Variants in PCNX2 observed in about 807,000 individuals in gnomAD.
PCNX2 encodes the protein pecanex 2, also known as pecanex-like protein 2.
Under a neutral mutation model 223.8 loss-of-function variants are expected in PCNX2, and 168 were observed. That is an observed-to-expected ratio of 0.75 (90% CI 0.66 to 0.85). The LOEUF is 0.85. Among genes scored for constraint, PCNX2 ranks in the 40% least tolerant of loss-of-function variants. The pLI is 0.00. For synonymous variants in PCNX2, 1,006 were observed against 1,052.6 expected (o/e 0.96, Z 0.86); for missense variants, 2,507 against 2,675.5 (o/e 0.94, Z 1.39).
intron 23 of PCNX2, among the ~76,000 whole-genome samples, chr1:233,081,600 C>T (rs1425221002): frequency 6.6e-6 from 1 of 152,198 alleles, no homozygotes; most frequent in Non-Finnish European, 1.5e-5. Context: ...TGATGACTTG[C>T]AAAGTGGCCA....
Position 233,025,181 on chromosome 1 carries a change from C to A in PCNX2, c.4570G>T (p.Asp1524Tyr). Reference sequence around the variant, plus strand: ...TAGCGGATGAGGATCCTTCGGAGGTCAAACACCTGCAGCATGGTGGCCGCG... The same window carrying A: ...TAGCGGATGAGGATCCTTCGGAGGTAAAACACCTGCAGCATGGTGGCCGCG... ...NNAATMLQVF[D>Y]LRRILIRYYI... The change falls in exon 26 of 34, where the codon GAC becomes TAC. Residue 1524 changes from aspartate to tyrosine, a missense_variant. Asp to Tyr is a radical substitution (Grantham distance 160). This residue lies in a region of PCNX2 where 1,372 missense variants were observed against 1,509.4 expected (regional missense o/e 0.91). Coordinates refer to ENST00000258229, the MANE Select transcript of PCNX2 (RefSeq NM_014801.4). 1 of 1,614,008 alleles carries A rather than the reference C, an allele frequency of 6.2e-7. No homozygotes were observed. The highest frequency in any genetic ancestry group is 1.1e-5 in the South Asian group (1 of 91,084).
intron 23 of PCNX2, among the ~76,000 whole-genome samples, chr1:233,087,319 C>T (rs1279406043): frequency 1.3e-5 from 2 of 152,066 alleles, no homozygotes; most frequent in East Asian, 3.9e-4. Context: ...CAACACACAC[C>T]CCCAGCCTGG....
At chr1:233,129,581 C>A (rs183478256) in intron 21 of PCNX2, among the ~76,000 whole-genome samples, 1 of 152,312 alleles carries the variant, frequency 6.6e-6, no homozygotes, top group East Asian at 1.9e-4. Context: ...CAGCTAGGCT[C>A]CTGAGTCTAG....
At chr1:233,025,784 C>A (rs2102834467) in intron 25 of PCNX2, among the ~76,000 whole-genome samples, 1 of 152,332 alleles carries the variant, frequency 6.6e-6, no homozygotes, top group African/African-American at 2.4e-5. Flanking sequence ...AGGCTTGTTT[C>A]CTCATCTGTA....
chr1:233,236,716 T>C, intron 9 of PCNX2, 129 bp downstream of exon 9: 1 of 1,365,298 alleles, frequency 7.3e-7, no homozygotes, highest in Admixed American at 2.1e-5. Context: ...CAGTGATATA[T>C]CAACAACCCG....
At chr1:233,059,760 C>A (rs1165084353) in intron 23 of PCNX2, among the ~76,000 whole-genome samples, 1 of 152,120 alleles carries the variant, frequency 6.6e-6, no homozygotes, top group Admixed American at 6.5e-5. Flanking sequence ...AGACTAGCTG[C>A]CAGTCAATGC....
upstream of PCNX2, among the ~76,000 whole-genome samples, chr1:233,295,982 C>CT (rs200068010): frequency 0.022 from 3,187 of 143,332 alleles, 57 homozygotes; most frequent in South Asian, 0.038. This position sits in a 1 kb window ranked among gnomAD's most constrained non-coding sequence, Gnocchi z 4.1. Context: ...CTTTCTCGCT[C>CT]TTTTTTTCTT....
intron 9 of PCNX2, among the ~76,000 whole-genome samples, chr1:233,234,351 C>T (rs1036080373): frequency 1.4e-4 from 22 of 152,064 alleles, no homozygotes; most frequent in Admixed American, 2.0e-4. Context: ...AAACATGAGC[C>T]TGGTTAGCAA....
At chr1:233,308,230 G>A in the PCNX2 span, among the ~76,000 whole-genome samples, 1 of 152,196 alleles carries the variant, frequency 6.6e-6, no homozygotes, top group Non-Finnish European at 1.5e-5. Context: ...GCCGAGACGG[G>A]CAGATCATTT....
intron 19 of PCNX2, among the ~76,000 whole-genome samples, chr1:233,141,715 A>ATGTG (rs1366472929): frequency 1.1e-4 from 9 of 79,978 alleles, no homozygotes; most frequent in Middle Eastern, 4.3e-3. Flanking sequence ...GTATATATAT[A>ATGTG]TCTGTGTGTG....
At chr1:233,034,252 G>A (rs1352166145) in intron 25 of PCNX2, among the ~76,000 whole-genome samples, 1 of 152,100 alleles carries the variant, frequency 6.6e-6, no homozygotes, top group African/African-American at 2.4e-5. Context: ...GGGCCTTTGG[G>A]AGGTGATTGG....
At chr1:233,158,848 C>G (rs755264322) in intron 19 of PCNX2, among the ~76,000 whole-genome samples, 4 of 152,160 alleles carry the variant, frequency 2.6e-5, no homozygotes, top group Admixed American at 6.5e-5. Context: ...AACCTGAAGG[C>G]TGCAGAAGTT....
Position 233,258,817 on chromosome 1 carries a change from A to C in PCNX2, c.1045T>G (p.Ser349Ala), listed in dbSNP as rs781768469. The C allele has an allele frequency of 6.2e-6, 10 of 1,613,784 alleles. No homozygotes were observed. The South Asian group carries it at 9.9e-5, about 16-fold the overall frequency. Reference sequence around the variant, plus strand: ...GTAACAGCTACCTCACTATCTGAGGAGTCCACTTCCTGGTGCAAGGGCAGG... The same window carrying C: ...GTAACAGCTACCTCACTATCTGAGGCGTCCACTTCCTGGTGCAAGGGCAGG... ...GDLPLHQEVD[S>A]SDSEVAVTLI... Residue 349 changes from serine to alanine, a missense_variant, in exon 5 of 34, where the codon TCC (serine) becomes GCC (alanine). Transcript: ENST00000258229.
intron 8 of PCNX2, among the ~76,000 whole-genome samples, chr1:233,238,929 G>C (rs1049198018): frequency 2.6e-5 from 4 of 152,040 alleles, no homozygotes; most frequent in Non-Finnish European, 4.4e-5. Context: ...TATATTAGTG[G>C]CATAATCTCT....
rs1558162958 is a variant in PCNX2, at chr1:233,014,655, C to A, written c.4952+10G>T. The A allele has an allele frequency of 1.2e-6, 2 of 1,610,064 alleles. No individual in the cohort carries two copies. The highest frequency in any genetic ancestry group is 1.7e-6 in the Non-Finnish European group (2 of 1,176,406). On this transcript the variant is annotated intron_variant, in intron 28 of 33. Coordinates refer to ENST00000258229, the MANE Select transcript of PCNX2 (RefSeq NM_014801.4). ...GTACCTAAGAGATTCTAACTTCTCCCCCCAGGTACCTGATGGCCATATTGT... is the reference window on the plus strand; with the variant it reads ...GTACCTAAGAGATTCTAACTTCTCCACCCAGGTACCTGATGGCCATATTGT...
intron 25 of PCNX2, among the ~76,000 whole-genome samples, chr1:233,049,633 T>TA (rs1262218915): frequency 2.0e-5 from 3 of 152,048 alleles, no homozygotes; most frequent in Non-Finnish European, 4.4e-5. Context: ...GAGAAATAAA[T>TA]AAAAGACATC....
At chr1:233,203,849 C>T (rs895983497) in intron 13 of PCNX2, among the ~76,000 whole-genome samples, 13 of 152,176 alleles carry the variant, frequency 8.5e-5, no homozygotes, top group Admixed American at 3.3e-4. Flanking sequence ...GTAACCCATA[C>T]ATCACCAACA....
intron 23 of PCNX2, chr1:233,058,504 A>T (rs1416540825): frequency 6.6e-6 from 1 of 152,204 alleles, no homozygotes; most frequent in Non-Finnish European, 1.5e-5. Flanking sequence ...CATATGGTTA[A>T]ATCTGATATA....
chr1:233,010,546 T>A (rs540166967), intron 28 of PCNX2, among the ~76,000 whole-genome samples: 35 of 152,236 alleles, frequency 2.3e-4, no homozygotes, highest in Non-Finnish European at 4.4e-4. Flanking sequence ...CTTTCATGTA[T>A]TTGAAGACAG....
Sources: allele counts gnomAD v4.1 joint callset (sites outside exome capture counted in the v4.1 genomes callset), GRCh38; gene constraint gnomAD v4.1.1; regional missense constraint gnomAD v4.1.1; non-coding constraint Gnocchi (gnomAD v3.1); transcripts MANE v1.5; gene names NCBI Gene and HGNC (gene_info 2026-07-23, HGNC 2026-07-21).